SLC5A10: variants seen among roughly 807,000 people sequenced by gnomAD.
The protein encoded by SLC5A10 is sodium/mannose cotransporter SLC5A10.
Under a neutral mutation model 68.9 loss-of-function variants are expected in SLC5A10, and 55 were observed. The ratio of observed to expected loss-of-function variants is 0.80; its 90% CI spans 0.64 to 1.00. The LOEUF is 1.00. Among genes scored for constraint, SLC5A10 ranks in the 50% least tolerant of loss-of-function variants. SLC5A10 has a pLI of 0.00. For synonymous variants in SLC5A10, 344 were observed against 344.8 expected (o/e 1.00, Z 0.02); for missense variants, 732 against 819.3 (o/e 0.89, Z 1.30).
intron 9 of SLC5A10, among the ~76,000 whole-genome samples, chr17:18,994,558 G>C (rs961143220): frequency 6.6e-6 from 1 of 152,130 alleles, no homozygotes; most frequent in Middle Eastern, 3.2e-3. Flanking sequence ...CTGGAAAGGG[G>C]AGGCTGAGCA....
At position 18,981,620 on chromosome 17, in the gene SLC5A10, TG is replaced by T. The variant is rs567408901; in HGVS notation, c.982+4633del. ...GTGTCCCAGACCCCTGTGGCTGGGG[TG>T]GCCCCAGGCAAGCAACCACAGAGGC... On this transcript the variant is annotated intron_variant, in intron 9 of 14. Coordinates refer to ENST00000395645, the MANE Select transcript of SLC5A10 (RefSeq NM_001042450.4). 4.6e-5 allele frequency among the ~76,000 whole-genome samples: 7 copies of T among 152,186 alleles called. No homozygotes were observed. The South Asian group carries it at 1.5e-3, about 32-fold the overall frequency.
intron 5 of SLC5A10, among the ~76,000 whole-genome samples, chr17:18,967,085 AGAG>A (rs2042725105): frequency 6.6e-6 from 1 of 152,202 alleles, no homozygotes. Flanking sequence ...CCCGGCCCAC[AGAG>A]GAGTGCTCGG....
chr17:18,974,110 C>T (rs1438269846), intron 8 of SLC5A10, among the ~76,000 whole-genome samples: 1 of 152,140 alleles, frequency 6.6e-6, no homozygotes, highest in South Asian at 2.1e-4. Flanking sequence ...CAAGGCTGGT[C>T]TCGAACTCCT....
upstream of SLC5A10, chr17:18,951,550 G>A (rs2042368651): frequency 9.8e-6 from 1 of 101,784 alleles, no homozygotes; most frequent in African/African-American, 3.9e-5. Flanking sequence ...CATTGCCCGG[G>A]GTGGGGGCCG....
chr17:18,990,365 G>A (rs2043384682), intron 9 of SLC5A10, among the ~76,000 whole-genome samples: 1 of 152,148 alleles, frequency 6.6e-6, no homozygotes, highest in South Asian at 2.1e-4. Flanking sequence ...GGTCCTCCCT[G>A]CCTGGGATCT....
At position 19,004,204 on chromosome 17, in the gene SLC5A10, G is replaced by A; in HGVS notation, c.983-9206G>A. On this transcript the variant is annotated intron_variant, in intron 9 of 14. Coordinates refer to ENST00000395645, the MANE Select transcript of SLC5A10 (RefSeq NM_001042450.4). This position sits in a 1 kb window ranked among gnomAD's most constrained non-coding sequence, Gnocchi z 5.4. ...AGACCTGATGAGCCCGGCTCGGCGG[G>A]GAGGGCGGGCCGCGCGGGGAGGGGC... 2 of 651,868 alleles carry A rather than the reference G, an allele frequency of 3.1e-6. No homozygotes were observed. The highest frequency in any genetic ancestry group is 4.9e-6 in the Non-Finnish European group (2 of 409,768). 40.4% of individuals were successfully genotyped at this position (651,868 alleles called of 1,614,324 possible).
Position 19,017,640 on chromosome 17 carries a change from C to T in SLC5A10, c.1242-1783C>T, listed in dbSNP as rs1317647203. 1.9e-5 allele frequency: 9 copies of T among 485,692 alleles called. No individual in the cohort carries two copies. Among genetic ancestry groups the T allele is most frequent in the East Asian group, 3.7e-5 (1 of 26,926 alleles). 30.1% of individuals were successfully genotyped at this position (485,692 alleles called of 1,614,324 possible). On this transcript the variant is annotated intron_variant, in intron 11 of 14. Coordinates refer to ENST00000395645, the MANE Select transcript of SLC5A10 (RefSeq NM_001042450.4). This position sits in a 1 kb window ranked among gnomAD's most constrained non-coding sequence, Gnocchi z 5.6. The stretch of plus-strand genomic sequence containing the variant: ...GCCCCCACACCTCAGTCCACTGTTC[C>T]GCCACTGCCCCCCTGCCCCACTCTC...
rs754943505 is a variant in SLC5A10, at chr17:18,959,647, T to C, written c.332T>C (p.Ile111Thr). 4 of 1,614,012 alleles carry C rather than the reference T, an allele frequency of 2.5e-6. No homozygotes were observed. The Admixed American group carries it at 6.7e-5, about 27-fold the overall frequency. The change falls in exon 4 of 15, where the codon ATC (isoleucine) becomes ACC (threonine). Residue 111 changes from isoleucine to threonine, a missense_variant. Coordinates refer to ENST00000395645, the MANE Select transcript of SLC5A10 (RefSeq NM_001042450.4). ...GCACTGGCATGGGTGTTCGTGCCCA[T>C]CTACATCTCCTCAGAGGTGAGTCTA... ...LLALAWVFVP[I>T]YISSEIVTLP...
In SLC5A10 at chr17:19,022,531, G is replaced by A. The variant is rs2044280572; in HGVS notation, c.*2100G>A. 1.5e-5 allele frequency: 3 copies of A among 201,878 alleles called. No homozygotes were observed. Among genetic ancestry groups the A allele is most frequent in the Non-Finnish European group, 2.0e-5 (2 of 101,196 alleles). 12.5% of individuals were successfully genotyped at this position (201,878 alleles called of 1,614,324 possible). ...TTTTGACTCCAGGCCACAAAGCCAT[G>A]AGAATGGGCCTTATAAACTGTAAAG... On this transcript the variant is annotated 3_prime_UTR_variant, in exon 15 of 15. Coordinates refer to ENST00000395645, the MANE Select transcript of SLC5A10 (RefSeq NM_001042450.4).
At chr17:18,977,890 G>GGT in intron 9 of SLC5A10, 1 of 1,610,876 alleles carries the variant, frequency 6.2e-7, no homozygotes, top group Non-Finnish European at 8.5e-7. Context: ...GGCTGTCCTG[G>GGT]TCACTGAGGG....
chr17:18,985,737 A>T (rs2043253412), intron 9 of SLC5A10, among the ~76,000 whole-genome samples: 1 of 152,208 alleles, frequency 6.6e-6, no homozygotes. Flanking sequence ...TAGCTCCTGG[A>T]TATGTCACCC....
chr17:19,007,353 C>T (rs1407093723), intron 9 of SLC5A10, among the ~76,000 whole-genome samples: 1 of 152,038 alleles, frequency 6.6e-6, no homozygotes, highest in Non-Finnish European at 1.5e-5. Context: ...GTCTTTTGCC[C>T]ATTTTCTAAA....
chr17:19,019,123 C>T (rs1227469945), intron 11 of SLC5A10: 1 of 382,332 alleles, frequency 2.6e-6, no homozygotes, highest in Non-Finnish European at 4.7e-6. Context: ...GAAGGAGAGA[C>T]AAGAGGGAGC....
At chr17:19,015,780 T>G (rs1211619904) in intron 11 of SLC5A10, among the ~76,000 whole-genome samples, 5 of 152,186 alleles carry the variant, frequency 3.3e-5, no homozygotes, top group African/African-American at 1.2e-4. Flanking sequence ...CCAGGGACGC[T>G]TGCCAGATTC....
chr17:18,983,111 T>C (rs1317031631), intron 9 of SLC5A10, among the ~76,000 whole-genome samples: 1 of 152,212 alleles, frequency 6.6e-6, no homozygotes, highest in East Asian at 1.9e-4. Flanking sequence ...TCAGCCGTAC[T>C]GGGTGGGTGG....
At chr17:18,958,853 C>T in intron 2 of SLC5A10, 100 bp downstream of exon 2, 1 of 1,396,764 alleles carries the variant, frequency 7.2e-7, no homozygotes, top group South Asian at 1.2e-5. Context: ...CAGTCCAATT[C>T]AGTGGAGCAG....
At position 19,003,423 on chromosome 17, in the gene SLC5A10, A is replaced by G; in HGVS notation, c.983-9987A>G. 7.5e-7 allele frequency: 1 copy of G among 1,328,512 alleles called. No individual in the cohort carries two copies. Among genetic ancestry groups the G allele is most frequent in the Non-Finnish European group, 9.9e-7 (1 of 1,008,068 alleles). 82.3% of individuals were successfully genotyped at this position (1,328,512 alleles called of 1,614,324 possible). ...AAACAGCAGAGATCCCTAGAAGCCC[A>G]TGTTGGGCTCCCGTTTTGGGCTCTG... On this transcript the variant is annotated intron_variant, in intron 9 of 14. Transcript: ENST00000395645. This position sits in a 1 kb window ranked among gnomAD's most constrained non-coding sequence, Gnocchi z 4.5.
At chr17:18,951,359 G>C (rs774134148), upstream of SLC5A10, among the ~76,000 whole-genome samples, 27 of 112,824 alleles carry the variant, frequency 2.4e-4, no homozygotes, top group Admixed American at 2.4e-3. Context: ...GCGTAATGGC[G>C]GATGGCCATT....
At chr17:18,961,198 A>G (rs1308455944) in intron 5 of SLC5A10, among the ~76,000 whole-genome samples, 1 of 151,986 alleles carries the variant, frequency 6.6e-6, no homozygotes, top group East Asian at 1.9e-4. Context: ...CAAGCCCCTG[A>G]CTTTACAGAG....
Sources: allele counts gnomAD v4.1 joint callset (sites outside exome capture counted in the v4.1 genomes callset), GRCh38; gene constraint gnomAD v4.1.1; non-coding constraint Gnocchi (gnomAD v3.1); transcripts MANE v1.5; gene names NCBI Gene and HGNC (gene_info 2026-07-23, HGNC 2026-07-21).